ZNF157: variants seen among roughly 807,000 people sequenced by gnomAD.
ZNF157 encodes zinc finger protein 22.
A neutral mutation model predicts 9.4 loss-of-function variants in ZNF157; 8 were observed. That is an observed-to-expected ratio of 0.85 (90% CI 0.50 to 1.53). The LOEUF is 1.53. Among genes scored for constraint, ZNF157 ranks in the 40% most tolerant of loss-of-function variants. The pLI, the probability that ZNF157 is intolerant of heterozygous loss-of-function variation, is 0.00. For missense variants in ZNF157, 316 were observed against 385.2 expected, an observed-to-expected ratio of 0.82 and a Z score of 1.50; for synonymous variants, 120 against 130.8, an observed-to-expected ratio of 0.92 and a Z score of 0.56.
intron 1 of ZNF157, among the ~76,000 whole-genome samples, chrX:47,372,942 G>T (rs148401640): frequency 9.1e-6 from 1 of 109,382 alleles, no homozygotes; most frequent in African/African-American, 3.3e-5. Context: ...GCTCATGCCT[G>T]TAATTCCAGC....
Position 47,410,391 on chromosome X carries a change from T to C in ZNF157, c.188T>C (p.Leu63Pro), listed in dbSNP as rs1158926910. 1 of 1,210,974 alleles carries C rather than the reference T, an allele frequency of 8.3e-7. No homozygotes were observed. The highest frequency in any genetic ancestry group is 3.0e-5 in the East Asian group (1 of 33,829). The change falls in exon 2 of 4, where the codon CTG becomes CCG. Residue 63 changes from leucine to proline, a missense_variant. Around this residue, in one of 3 missense-constraint regions of ZNF157, gnomAD observed 146 missense variants for 183.8 expected, o/e 0.79. Transcript: ENST00000377073. ...GTGATGCTGGAGACCTACAGCAACC[T>C]GGCATCTGTGGGTGAGGATGATTGT... is the stretch of plus-strand genomic sequence containing the variant. ...KDVMLETYSN[L>P]ASVGLCVAKP...
chrX:47,401,451 G>A (rs189190755), intron 1 of ZNF157, among the ~76,000 whole-genome samples: 24 of 112,191 alleles, frequency 2.1e-4, no homozygotes, highest in Non-Finnish European at 4.1e-4. Context: ...GCCTTCTTTT[G>A]TGCTGTTTAA....
chrX:47,387,415 G>A (rs1473663710), intron 1 of ZNF157, among the ~76,000 whole-genome samples: 1 of 110,062 alleles, frequency 9.1e-6, no homozygotes, highest in East Asian at 2.9e-4. Context: ...GAGCCACCAT[G>A]CCCAGCCTGA....
chrX:47,398,785 G>A (rs190377325), intron 1 of ZNF157, among the ~76,000 whole-genome samples: 43 of 111,719 alleles, frequency 3.8e-4, no homozygotes, highest in African/African-American at 1.1e-3. Flanking sequence ...AGGCCCAAGC[G>A]ATTCTTCTGC....
rs10687283 is a variant in ZNF157, at chrX:47,385,544, CGTGTGTGTGTGTGT to C, written c.72+14829_72+14842del. ...GTATCAGTGCTGCCCTAAGCGATTC[CGTGTGTGTGTGTGT>C]GTGTGTGTGTGTGTGTGTGTGTGTT... On this transcript the variant is annotated intron_variant, in intron 1 of 3. Coordinates refer to ENST00000377073, the MANE Select transcript of ZNF157 (RefSeq NM_003446.4). Among the ~76,000 whole-genome samples, 65 of 90,372 alleles carry C rather than the reference CGTGTGTGTGTGTGT, an allele frequency of 7.2e-4. 1 individual carries two copies. Among genetic ancestry groups the C allele is most frequent in the East Asian group, 2.2e-3 (6 of 2,720 alleles). 78.5% of individuals were successfully genotyped at this position (90,372 alleles called of 115,157 possible).
chrX:47,386,410 G>C (rs2055879525), intron 1 of ZNF157, among the ~76,000 whole-genome samples: 1 of 110,979 alleles, frequency 9.0e-6, no homozygotes, highest in African/African-American at 3.3e-5. Flanking sequence ...TCTATCTCTA[G>C]AATGTTGTCA....
At chrX:47,393,534 A>G (rs1053368776) in intron 1 of ZNF157, among the ~76,000 whole-genome samples, 2 of 110,896 alleles carry the variant, frequency 1.8e-5, no homozygotes, top group Non-Finnish European at 3.8e-5. Flanking sequence ...TATCACAAAG[A>G]GCATGCTTTC....
chrX:47,413,288 G>A lies in ZNF157; in HGVS notation c.1215G>A (p.Gln405=), dbSNP rs764502132. The A allele has an allele frequency of 2.5e-6, 3 of 1,211,510 alleles. No homozygotes were observed. Among genetic ancestry groups the A allele is most frequent in the Non-Finnish European group, 2.2e-6 (2 of 895,392 alleles). The change falls in exon 4 of 4, where the codon CAG becomes CAA. Residue 405 remains glutamine, a synonymous_variant. Transcript: ENST00000377073. ...FYVKARLIEH[Q]RMHSGEKPYE... ...TGAAAGCACGCCTAATTGAACATCA[G>A]AGGATGCATTCAGGAGAGAAACCCT... is the stretch of plus-strand genomic sequence containing the variant.
At position 47,412,591 on chromosome X, in the gene ZNF157, G is replaced by T. The variant is rs1328423444; in HGVS notation, c.518G>T (p.Arg173Met). 1 of 1,211,972 alleles carries T rather than the reference G, an allele frequency of 8.3e-7. No individual in the cohort carries two copies. The highest frequency in any genetic ancestry group is 3.0e-5 in the East Asian group (1 of 33,857). Residue 173 changes from arginine (R) to methionine (M), a missense_variant, in exon 4 of 4, where the codon AGG (arginine) becomes ATG (methionine). Arg to Met is a moderately conservative substitution (Grantham distance 91). Around this residue, in one of 3 missense-constraint regions of ZNF157, gnomAD observed 146 missense variants for 183.8 expected, o/e 0.79. Transcript: ENST00000377073. ...CATGAATGTGGGAAAGCTTACTGTA[G>T]GAAGTCAAACCTTGTTGAACATCTG... ...ECHECGKAYC[R>M]KSNLVEHLRI...
rs1038240609 is a variant in ZNF157 at position 47,413,887 on chromosome X, A to C, written c.*293A>C. On this transcript the variant is annotated 3_prime_UTR_variant, in exon 4 of 4. Coordinates refer to ENST00000377073, the MANE Select transcript of ZNF157 (RefSeq NM_003446.4). ...TTTGGTTTAAATGTTGTTTTTTAACATATGAGAATATAAAAATCCTTTTTT... is the reference window on the plus strand; with the variant it reads ...TTTGGTTTAAATGTTGTTTTTTAACCTATGAGAATATAAAAATCCTTTTTT... 5.1e-6 allele frequency: 1 copy of C among 196,002 alleles called. No homozygotes were observed. The highest frequency in any genetic ancestry group is 9.3e-6 in the Non-Finnish European group (1 of 107,262). 16.2% of individuals were successfully genotyped at this position (196,002 alleles called of 1,213,427 possible).
intron 1 of ZNF157, among the ~76,000 whole-genome samples, chrX:47,380,773 T>A (rs1026266616): frequency 2.2e-5 from 1 of 45,820 alleles, no homozygotes; most frequent in South Asian, 8.8e-4. Flanking sequence ...ATTATTTTTC[T>A]TTTTTTTTTA....
At chrX:47,377,336 G>A (rs948128318) in intron 1 of ZNF157, among the ~76,000 whole-genome samples, 3 of 108,573 alleles carry the variant, frequency 2.8e-5, no homozygotes, top group African/African-American at 6.7e-5. Context: ...ATTACTCTGT[G>A]TGAATTACTC....
At chrX:47,379,548 G>T (rs1186000330) in intron 1 of ZNF157, among the ~76,000 whole-genome samples, 1 of 106,688 alleles carries the variant, frequency 9.4e-6, no homozygotes, top group Non-Finnish European at 1.9e-5. Flanking sequence ...CCCTGGAGCA[G>T]ATGGGACTAC....
Position 47,413,765 on chromosome X carries a change from C to A in ZNF157, c.*171C>A. 1 of 809,006 alleles carries A rather than the reference C, an allele frequency of 1.2e-6. No homozygotes were observed. The highest frequency in any genetic ancestry group is 1.6e-6 in the Non-Finnish European group (1 of 610,705). The allele number at this position is 809,006 out of a possible 1,213,427, so 66.7% of individuals were successfully genotyped here. On this transcript the variant is annotated 3_prime_UTR_variant, in exon 4 of 4. Coordinates refer to ENST00000377073, the MANE Select transcript of ZNF157 (RefSeq NM_003446.4). ...TCCCTAATTAGTGGTGTGTGAACAT[C>A]TTATCTGTTGATTGGCTATTTGGGT...
chrX:47,383,641 A>G (rs1227492003), intron 1 of ZNF157, among the ~76,000 whole-genome samples: 1 of 99,009 alleles, frequency 1.0e-5, no homozygotes, highest in Admixed American at 1.1e-4. Context: ...TGGGGAGGTC[A>G]AGCCTGCAGT....
At chrX:47,403,975 G>A (rs1045726218) in intron 1 of ZNF157, among the ~76,000 whole-genome samples, 18 of 110,620 alleles carry the variant, frequency 1.6e-4, no homozygotes. Context: ...TTGGAGACCA[G>A]CATGGCCAAC....
chrX:47,374,998 C>CTTTTTTTTTTTTTT lies in ZNF157; in HGVS notation c.72+4281_72+4294dup, dbSNP rs769541152. 3.2e-4 allele frequency among the ~76,000 whole-genome samples: 8 copies of CTTTTTTTTTTTTTT among 24,996 alleles called. 4 individuals carry two copies. Among genetic ancestry groups the CTTTTTTTTTTTTTT allele is most frequent in the Non-Finnish European group, 5.6e-4 (8 of 14,377 alleles). 21.7% of individuals were successfully genotyped at this position (24,996 alleles called of 115,157 possible). A position where few individuals can be genotyped will look rare whatever the true frequency, so the allele number is the denominator to read the frequency against. On this transcript the variant is annotated intron_variant, in intron 1 of 3. Coordinates refer to ENST00000377073, the MANE Select transcript of ZNF157 (RefSeq NM_003446.4). ...GTGAGCCCTGAGCCCGGCTGACAAT[C>CTTTTTTTTTTTTTT]TTTTTTTTTTTTTTTTTTTTTTTTT...
intron 1 of ZNF157, among the ~76,000 whole-genome samples, chrX:47,374,702 C>CTTT (rs869212909): frequency 0.026 from 1,454 of 56,612 alleles, 109 homozygotes; most frequent in African/African-American, 0.093. Flanking sequence ...GCCCAGCAAT[C>CTTT]TTTTTTTTTT....
chrX:47,393,743 C>CT (rs543372119), intron 1 of ZNF157, among the ~76,000 whole-genome samples: 18 of 73,758 alleles, frequency 2.4e-4, no homozygotes, highest in Non-Finnish European at 3.3e-4. Flanking sequence ...CTCCCCCGCC[C>CT]TTTTTTTTTT....
Sources: gnomAD v4.1 joint callset for allele counts (sites outside exome capture counted in the v4.1 genomes callset) on GRCh38, gnomAD v4.1.1 for gene constraint, gnomAD v4.1.1 regional missense constraint, MANE v1.5 for transcripts, NCBI Gene and HGNC (gene_info 2026-07-23, HGNC 2026-07-21) for gene names.